The following CASP10 variants were observed in gnomAD, a reference collection of about 807,000 sequenced individuals.
The protein encoded by CASP10 is caspase-10.
CASP10 carries 41 observed loss-of-function variants against 48.5 expected under a neutral mutation model. That is an observed-to-expected ratio of 0.85 (90% CI 0.66 to 1.10). CASP10 has a LOEUF of 1.10. CASP10 is among the 50% of genes least tolerant of loss of function. The probability of loss-of-function intolerance (pLI) is 0.00; values close to 1 mark genes in which losing one functional copy is unlikely to be tolerated. For synonymous variants in CASP10, 232 were observed against 238.4 expected (o/e 0.97, Z 0.25); for missense variants, 614 against 614.5 (o/e 1.00, Z 0.01).
intron 9 of CASP10, among the ~76,000 whole-genome samples, chr2:201,227,384 G>T (rs374576639): frequency 6.6e-6 from 1 of 152,014 alleles, no homozygotes; most frequent in African/African-American, 2.4e-5. Context: ...GATCAGTGTT[G>T]CCAAAGCAAG....
At chr2:201,193,744 G>A (rs1182072856) in intron 4 of CASP10, among the ~76,000 whole-genome samples, 1 of 152,154 alleles carries the variant, frequency 6.6e-6, no homozygotes, top group Non-Finnish European at 1.5e-5. Context: ...GGGAGTGAGA[G>A]TATAGGGAAT....
At chr2:201,222,775 G>A (rs1484361095), downstream of CASP10, among the ~76,000 whole-genome samples, 8 of 152,110 alleles carry the variant, frequency 5.3e-5, no homozygotes, top group Admixed American at 1.3e-4. Flanking sequence ...CTGTGGTACC[G>A]ACCCAGTGAC....
chr2:201,218,948 C>A lies in CASP10; in HGVS notation c.*1207C>A. The A allele has an allele frequency of 2.0e-6, 2 of 985,426 alleles. No individual in the cohort carries two copies. Among genetic ancestry groups the A allele is most frequent in the Non-Finnish European group, 2.4e-6 (2 of 829,950 alleles). 61.0% of individuals were successfully genotyped at this position (985,426 alleles called of 1,614,324 possible). On this transcript the variant is annotated 3_prime_UTR_variant, in exon 10 of 10. Coordinates refer to ENST00000286186, the MANE Select transcript of CASP10 (RefSeq NM_032977.4). ...GGCTCATTTACACTCAGCTGCTCTG[C>A]AAGCAGAAACTTTACAACCTGATGT...
At chr2:201,207,756 C>T (rs1321369789) in intron 7 of CASP10, among the ~76,000 whole-genome samples, 1 of 127,770 alleles carries the variant, frequency 7.8e-6, no homozygotes, top group Non-Finnish European at 1.7e-5. Context: ...GATGCTGTCT[C>T]AAAAAAAAAA....
At chr2:201,205,403 T>A (rs1343288048) in intron 6 of CASP10, among the ~76,000 whole-genome samples, 3 of 149,488 alleles carry the variant, frequency 2.0e-5, no homozygotes, top group African/African-American at 7.5e-5. Flanking sequence ...TTTTTTGTAT[T>A]TTTTTTTTCT....
At position 201,218,024 on chromosome 2, in the gene CASP10, C is replaced by T. The variant is rs1402442012; in HGVS notation, c.*283C>T. The T allele has an allele frequency of 1.2e-6, 1 of 828,058 alleles. No homozygotes were observed. Among genetic ancestry groups the T allele is most frequent in the East Asian group, 5.3e-5 (1 of 18,996 alleles). 51.3% of individuals were successfully genotyped at this position (828,058 alleles called of 1,614,324 possible). A position where few individuals can be genotyped will look rare whatever the true frequency, so the allele number is the denominator to read the frequency against. ...GACCTCCCAGGCTCAAGCTGTCCTC[C>T]CGCCTCAGCTTCCCAAGTAGCTGGG... is the stretch of plus-strand genomic sequence containing the variant. On this transcript the variant is annotated 3_prime_UTR_variant, in exon 10 of 10. Transcript: ENST00000286186.
chr2:201,215,951 A>T (rs1353483873), intron 9 of CASP10, among the ~76,000 whole-genome samples: 2 of 151,852 alleles, frequency 1.3e-5, no homozygotes, highest in African/African-American at 4.8e-5. Context: ...TTGGCTTGTC[A>T]CTGGTATTTT....
intron 6 of CASP10, among the ~76,000 whole-genome samples, chr2:201,204,322 T>C (rs919838585): frequency 6.6e-6 from 1 of 152,172 alleles, no homozygotes; most frequent in East Asian, 1.9e-4. Context: ...CTTTCTGTGG[T>C]ATGTAAAGTT....
At chr2:201,184,595 A>G (rs968804068) in intron 1 of CASP10, among the ~76,000 whole-genome samples, 1 of 152,250 alleles carries the variant, frequency 6.6e-6, no homozygotes, top group Non-Finnish European at 1.5e-5. Context: ...AAGTGCTGGG[A>G]TTATAGGCGT....
rs994301707 is a variant in CASP10, at chr2:201,218,182, A to G, written c.*441A>G. ...AGTGATCCTCCCACCTCTGTCCCCA[A>G]AATACTGGGATTATAGGCACGAGCC... On this transcript the variant is annotated 3_prime_UTR_variant, in exon 10 of 10. Coordinates refer to ENST00000286186, the MANE Select transcript of CASP10 (RefSeq NM_032977.4). The G allele has an allele frequency of 3.9e-6, 4 of 1,032,576 alleles. No individual in the cohort carries two copies. Among genetic ancestry groups the G allele is most frequent in the Non-Finnish European group, 3.5e-6 (3 of 856,970 alleles). 64.0% of individuals were successfully genotyped at this position (1,032,576 alleles called of 1,614,324 possible).
chr2:201,186,195 A>G, intron 2 of CASP10, 71 bp downstream of exon 2: 1 of 1,142,014 alleles, frequency 8.8e-7, no homozygotes, highest in Non-Finnish European at 1.3e-6. Context: ...TGGGCTTTGA[A>G]AGGAAGCTGC....
downstream of CASP10, among the ~76,000 whole-genome samples, chr2:201,224,192 C>G (rs1945760451): frequency 6.6e-6 from 1 of 151,938 alleles, no homozygotes; most frequent in Non-Finnish European, 1.5e-5. Context: ...AGGATGGTCT[C>G]AATCTCCTGA....
chr2:201,196,258 G>A (rs998502590), intron 5 of CASP10, among the ~76,000 whole-genome samples: 2 of 152,186 alleles, frequency 1.3e-5, no homozygotes, highest in African/African-American at 4.8e-5. Flanking sequence ...TCTTATCTGT[G>A]GGATGCAATT....
chr2:201,207,738 CAG>C (rs950052976), intron 7 of CASP10, among the ~76,000 whole-genome samples: 30 of 150,278 alleles, frequency 2.0e-4, no homozygotes, highest in African/African-American at 7.3e-4. Context: ...GCCTGGGTGA[CAG>C]AGCGAGATGC....
chr2:201,196,815 C>G (rs1221528566), intron 5 of CASP10, among the ~76,000 whole-genome samples: 2 of 152,130 alleles, frequency 1.3e-5, no homozygotes, highest in African/African-American at 2.4e-5. Context: ...AACTTTGTAC[C>G]CATTAAACAA....
chr2:201,186,317 C>T, intron 2 of CASP10, 193 bp downstream of exon 2: 1 of 579,840 alleles, frequency 1.7e-6, no homozygotes, highest in Non-Finnish European at 3.1e-6. Flanking sequence ...AGCAAAGCTT[C>T]AAGACCAAGC....
At chr2:201,216,987 C>A (rs1319616515) in intron 9 of CASP10, among the ~76,000 whole-genome samples, 1 of 152,218 alleles carries the variant, frequency 6.6e-6, no homozygotes, top group Non-Finnish European at 1.5e-5. Context: ...TCTGAACTTG[C>A]AGTGGAACCT....
At chr2:201,228,414 A>C (rs1576159260) in intron 9 of CASP10, among the ~76,000 whole-genome samples, 1 of 152,046 alleles carries the variant, frequency 6.6e-6, no homozygotes, top group African/African-American at 2.4e-5. Flanking sequence ...AAGAATCTTC[A>C]CCCCTACCAC....
intron 3 of CASP10, among the ~76,000 whole-genome samples, chr2:201,188,535 G>A (rs1944494030): frequency 1.3e-5 from 2 of 152,084 alleles, no homozygotes; most frequent in Non-Finnish European, 2.9e-5. Context: ...TTTCCTCCCT[G>A]CCCCCAAATC....
Sources: allele counts gnomAD v4.1 joint callset (sites outside exome capture counted in the v4.1 genomes callset), GRCh38; gene constraint gnomAD v4.1.1; transcripts MANE v1.5; gene names NCBI Gene and HGNC (gene_info 2026-07-23, HGNC 2026-07-21).